Variants in GLYATL3 observed in about 807,000 individuals in gnomAD.
GLYATL3 encodes the protein glycine-N-acyltransferase like 3, also known as glycine N-acyltransferase-like protein 3.
GLYATL3 carries 31 observed loss-of-function variants against 28.5 expected under a neutral mutation model. The observed-to-expected ratio is 1.09, with a 90% CI of 0.82 to 1.47. The LOEUF is 1.47. GLYATL3 is among the 40% of genes most tolerant of loss of function. The probability of loss-of-function intolerance (pLI) is 0.00; values close to 1 mark genes in which losing one functional copy is unlikely to be tolerated. For synonymous variants in GLYATL3, 141 were observed against 140.2 expected (o/e 1.01, Z -0.04); for missense variants, 369 against 351.5 (o/e 1.05, Z -0.40).
chr6:49,524,509 A>C (rs898339484), intron 5 of GLYATL3, among the ~76,000 whole-genome samples: 2 of 152,206 alleles, frequency 1.3e-5, no homozygotes, highest in African/African-American at 4.8e-5. Context: ...GTTTTGAGAA[A>C]TTGCAGCAAT....
chr6:49,515,475 T>C (rs1328985952), intron 2 of GLYATL3, among the ~76,000 whole-genome samples, 178 bp from the exon 3 acceptor site: 3 of 152,170 alleles, frequency 2.0e-5, no homozygotes. Flanking sequence ...AGTGCACTGA[T>C]AAAATAATAG....
Position 49,526,647 on chromosome 6 carries a change from G to T in GLYATL3, c.600G>T (p.Pro200=), listed in dbSNP as rs771571823. ...GTGTCCGGGATGAGAAGGGAAACCC[G>T]GTCTCCTGGTCCATCACAGACCAGT... is the stretch of plus-strand genomic sequence containing the variant. ...SVCVRDEKGN[P]VSWSITDQFA... is the part of the protein sequence containing the mutation. Residue 200 remains proline (P), a synonymous_variant, in exon 6 of 6, where the codon CCG becomes CCT. Coordinates refer to ENST00000371197, the MANE Select transcript of GLYATL3 (RefSeq NM_001010904.2). 3.9e-6 allele frequency: 6 copies of T among 1,551,676 alleles called. No individual in the cohort carries two copies. The highest frequency in any genetic ancestry group is 2.0e-5 in the Admixed American group (1 of 50,982).
chr6:49,505,356 G>A (rs1001304551), intron 1 of GLYATL3, among the ~76,000 whole-genome samples: 7 of 152,192 alleles, frequency 4.6e-5, no homozygotes, highest in Admixed American at 2.0e-4. Flanking sequence ...CTGAGTCAGA[G>A]ACAATATTAA....
At chr6:49,508,520 G>A (rs775807869) in intron 1 of GLYATL3, among the ~76,000 whole-genome samples, 2 of 152,168 alleles carry the variant, frequency 1.3e-5, no homozygotes, top group South Asian at 2.1e-4. Flanking sequence ...TGCAAGATGA[G>A]GGCATTACAG....
rs138581067 is a variant in GLYATL3, at chr6:49,519,097, T to C, written c.313+1541T>C. ...ACAGCCAATTTAGAAAAAAATGTTC[T>C]GACCGGTATTACTTTAACATGGAAA... On this transcript the variant is annotated intron_variant, in intron 4 of 5. Transcript: ENST00000371197. Among the ~76,000 whole-genome samples, 185 of 152,356 alleles carry C rather than the reference T, an allele frequency of 1.2e-3. 2 individuals are homozygous for C. Among genetic ancestry groups the C allele is most frequent in the Admixed American group, 8.5e-3 (130 of 15,302 alleles).
Position 49,521,668 on chromosome 6 carries a change from GT to G in GLYATL3, c.340del (p.Ser114ProfsTer10). On this transcript the variant is annotated frameshift_variant, in exon 5 of 6. Transcript: ENST00000371197. LOFTEE classifies it high-confidence loss of function. ...AGGGCTGCAGAGTGAGTTATATGATGTTTCCAAAGCGGTTGCCAATTCAAAG... is the reference window on the plus strand; with the variant it reads ...AGGGCTGCAGAGTGAGTTATATGATGTTCCAAAGCGGTTGCCAATTCAAAG... The part of the protein sequence containing the change: ...IQGLQSELYD[V>X]SKAVANSKQL... The G allele has an allele frequency of 6.4e-7, 1 of 1,550,888 alleles. No homozygotes were observed. The highest frequency in any genetic ancestry group is 1.7e-4 in the Middle Eastern group (1 of 5,992).
At chr6:49,525,084 T>C (rs1377164171) in intron 5 of GLYATL3, among the ~76,000 whole-genome samples, 3 of 134,518 alleles carry the variant, frequency 2.2e-5, no homozygotes, top group African/African-American at 8.7e-5. Context: ...AGAAGTTCTA[T>C]TCTAAAACAT....
intron 1 of GLYATL3, among the ~76,000 whole-genome samples, chr6:49,509,862 A>G (rs1769080358): frequency 6.6e-6 from 1 of 152,126 alleles, no homozygotes; most frequent in African/African-American, 2.4e-5. Context: ...TTTTGACTCC[A>G]TATTACTTTG....
At chr6:49,503,018 TA>T (rs1327179950) in intron 1 of GLYATL3, among the ~76,000 whole-genome samples, 1 of 152,198 alleles carries the variant, frequency 6.6e-6, no homozygotes, top group Non-Finnish European at 1.5e-5. Context: ...TTCCTACTAA[TA>T]ACATATATGG....
chr6:49,521,598 T>C (rs577342946), intron 4 of GLYATL3, 47 bp from the exon 5 acceptor site: 1 of 1,507,402 alleles, frequency 6.6e-7, no homozygotes, highest in Non-Finnish European at 8.9e-7. Flanking sequence ...CTTTTTGCTT[T>C]TTCAACTAAA....
At chr6:49,510,898 C>T (rs1372769231) in intron 1 of GLYATL3, among the ~76,000 whole-genome samples, 1 of 152,188 alleles carries the variant, frequency 6.6e-6, no homozygotes, top group Non-Finnish European at 1.5e-5. Flanking sequence ...CTCACATAAA[C>T]CTCATGATAG....
chr6:49,516,465 A>C (rs1769216665), intron 3 of GLYATL3, among the ~76,000 whole-genome samples: 1 of 152,138 alleles, frequency 6.6e-6, no homozygotes, highest in Non-Finnish European at 1.5e-5. Flanking sequence ...GAGTGAAGAC[A>C]ACATCTGCCC....
intron 1 of GLYATL3, among the ~76,000 whole-genome samples, chr6:49,509,521 G>T (rs1485788754): frequency 1.3e-5 from 2 of 152,120 alleles, no homozygotes; most frequent in Admixed American, 1.3e-4. Context: ...TTTTTAAACA[G>T]CAAAATCAAC....
At chr6:49,502,549 CTAAACTTATAA>C (rs1768933798) in intron 1 of GLYATL3, among the ~76,000 whole-genome samples, 1 of 152,144 alleles carries the variant, frequency 6.6e-6, no homozygotes, top group Admixed American at 6.5e-5. Flanking sequence ...AATCTATGTT[CTAAACTTATAA>C]TTCTTATAAT....
chr6:49,521,209 G>A (rs764161964), intron 4 of GLYATL3, among the ~76,000 whole-genome samples: 6 of 152,136 alleles, frequency 3.9e-5, no homozygotes, highest in South Asian at 4.1e-4. Flanking sequence ...CTGTAATGGC[G>A]AGGTGTAATA....
intron 1 of GLYATL3, among the ~76,000 whole-genome samples, chr6:49,502,484 T>C (rs1768932773): frequency 6.6e-6 from 1 of 152,236 alleles, no homozygotes; most frequent in Admixed American, 6.5e-5. Context: ...ACAGACTCAT[T>C]ACATTGAAAC....
At chr6:49,504,245 T>TA in intron 1 of GLYATL3, among the ~76,000 whole-genome samples, 1 of 151,436 alleles carries the variant, frequency 6.6e-6, no homozygotes, top group East Asian at 1.9e-4. Context: ...TTTTTCTTTT[T>TA]TTTTTTTTGA....
chr6:49,513,838 A>G (rs1769164449), intron 2 of GLYATL3, among the ~76,000 whole-genome samples: 1 of 152,232 alleles, frequency 6.6e-6, no homozygotes, highest in Admixed American at 6.5e-5. Flanking sequence ...CAGGTGCAGT[A>G]GCAAGCTTGT....
In GLYATL3 at chr6:49,527,067, T is replaced by A; in HGVS notation, c.*153T>A. The A allele has an allele frequency of 1.7e-6, 1 of 594,018 alleles. No individual in the cohort carries two copies. Among genetic ancestry groups the A allele is most frequent in the Non-Finnish European group, 2.9e-6 (1 of 347,142 alleles). 36.8% of individuals were successfully genotyped at this position (594,018 alleles called of 1,614,324 possible). A position where few individuals can be genotyped will look rare whatever the true frequency, so the allele number is the denominator to read the frequency against. On this transcript the variant is annotated 3_prime_UTR_variant, in exon 6 of 6. Coordinates refer to ENST00000371197, the MANE Select transcript of GLYATL3 (RefSeq NM_001010904.2). Reference sequence around the variant, plus strand: ...TATACAGGATCCACTTGAGAAGCCTTAATTTTTCGTATCTCAGGTTTCTCC... The same window carrying A: ...TATACAGGATCCACTTGAGAAGCCTAAATTTTTCGTATCTCAGGTTTCTCC...
Sources: allele counts gnomAD v4.1 joint callset (sites outside exome capture counted in the v4.1 genomes callset), GRCh38; gene constraint gnomAD v4.1.1; transcripts MANE v1.5; gene names NCBI Gene and HGNC (gene_info 2026-07-23, HGNC 2026-07-21).